Variants in CLEC4M observed in about 807,000 individuals in gnomAD.
The protein encoded by CLEC4M is C-type lectin domain family 4 member M, also known as CD209 antigen-like protein 1.
A neutral mutation model predicts 39.1 loss-of-function variants in CLEC4M; 25 were observed. The observed-to-expected ratio is 0.64, with a 90% CI of 0.47 to 0.89. CLEC4M has a LOEUF of 0.89. Among genes scored for constraint, CLEC4M ranks in the 40% least tolerant of loss-of-function variants. The pLI, the probability that CLEC4M is intolerant of heterozygous loss-of-function variation, is 0.00. For synonymous variants in CLEC4M, 155 were observed against 177.4 expected, an observed-to-expected ratio of 0.87 and a Z score of 1.00; for missense variants, 353 against 431.4, an observed-to-expected ratio of 0.82 and a Z score of 1.61.
Position 7,765,779 on chromosome 19 carries a change from T to G in CLEC4M, c.356T>G (p.Leu119Arg). Reference protein sequence around the residue: ...LQEIYQELTQLKAAVGELPEK... With the variant: ...LQEIYQELTQRKAAVGELPEK... ...GAGATCTACCAGGAGCTGACCCAGC[T>G]GAAGGCTGCAGTGGGTGAGTTGCCA... Residue 119 changes from leucine (L) to arginine (R), a missense_variant, in exon 4 of 7, where the codon CTG becomes CGG. Physicochemically the swap from Leu to Arg is moderately radical, Grantham distance 102. Transcript: ENST00000327325. The G allele has an allele frequency of 6.2e-7, 1 of 1,613,500 alleles. No homozygotes were observed. Among genetic ancestry groups the G allele is most frequent in the Non-Finnish European group, 8.5e-7 (1 of 1,179,680 alleles).
At chr19:7,766,228 G>T (rs376177207) in intron 4 of CLEC4M, 21 bp downstream of exon 4, 94 of 1,613,188 alleles carry the variant, frequency 5.8e-5, no homozygotes, top group African/African-American at 3.2e-4. Flanking sequence ...GCACATCAAG[G>T]GTCCTTGGGC....
chr19:7,767,507 A>C lies in CLEC4M; in HGVS notation c.937-9A>C, dbSNP rs2034329288. ...AGAGCTCCCTCCTGACTCCTCCTCTACCCTCCAGAACTTCCTACAGCTGCA... is the reference window on the plus strand; with the variant it reads ...AGAGCTCCCTCCTGACTCCTCCTCTCCCCTCCAGAACTTCCTACAGCTGCA... On this transcript the variant is annotated splice_polypyrimidine_tract_variant and intron_variant, in intron 5 of 6. Transcript: ENST00000327325. 1 of 1,609,060 alleles carries C rather than the reference A, an allele frequency of 6.2e-7. No individual in the cohort carries two copies. Among genetic ancestry groups the C allele is most frequent in the African/African-American group, 1.3e-5 (1 of 74,804 alleles).
Position 7,765,288 on chromosome 19 carries a change from G to A in CLEC4M, c.214+20G>A, listed in dbSNP as rs2146350661. On this transcript the variant is annotated intron_variant, in intron 3 of 6. Transcript: ENST00000327325. ...TCCAAGGTCAGGGGCAGGTTCTGAG[G>A]GTCTGGGGTCCCCAGGCCTGGCCTT... 6.2e-7 allele frequency: 1 copy of A among 1,613,754 alleles called. No homozygotes were observed. Among genetic ancestry groups the A allele is most frequent in the East Asian group, 2.2e-5 (1 of 44,878 alleles).
At chr19:7,766,236 G>C (rs762260629) in intron 4 of CLEC4M, 29 bp downstream of exon 4, 7 of 1,612,438 alleles carry the variant, frequency 4.3e-6, no homozygotes, top group Non-Finnish European at 5.9e-6. Flanking sequence ...AGGGTCCTTG[G>C]GCCTGAGATG....
intron 5 of CLEC4M, 123 bp downstream of exon 5, chr19:7,766,930 A>T (rs1371950423): frequency 6.6e-7 from 1 of 1,522,184 alleles, no homozygotes; most frequent in Non-Finnish European, 8.8e-7. Context: ...TGGGAAGAGA[A>T]GGATATGAAT....
At chr19:7,764,039 A>C (rs1487056957) in intron 2 of CLEC4M, among the ~76,000 whole-genome samples, 5 of 151,888 alleles carry the variant, frequency 3.3e-5, no homozygotes, top group Non-Finnish European at 7.4e-5. Flanking sequence ...GGAGGCTGGG[A>C]CCTGGATGCC....
intron 4 of CLEC4M, 161 bp downstream of exon 4, chr19:7,766,368 G>T: frequency 6.8e-7 from 1 of 1,477,364 alleles, no homozygotes; most frequent in Non-Finnish European, 8.9e-7. Flanking sequence ...AGTGGGCCAG[G>T]CACACAGTAG....
At chr19:7,766,404 C>T in intron 4 of CLEC4M, 197 bp downstream of exon 4, 1 of 1,457,568 alleles carries the variant, frequency 6.9e-7, no homozygotes, top group Middle Eastern at 2.5e-4. Flanking sequence ...AATCCGCTGC[C>T]TTCTGTTCTG....
In CLEC4M at chr19:7,765,769, C is replaced by T; in HGVS notation, c.346C>T (p.Leu116=). The change falls in exon 4 of 7, where the codon CTG becomes TTG. Residue 116 remains leucine (L), a synonymous_variant. Transcript: ENST00000327325. ...KSKLQEIYQE[L]TQLKAAVGEL... ...CAAGCTGCAGGAGATCTACCAGGAGCTGACCCAGCTGAAGGCTGCAGTGGG... is the reference window on the plus strand; with the variant it reads ...CAAGCTGCAGGAGATCTACCAGGAGTTGACCCAGCTGAAGGCTGCAGTGGG... 1.2e-6 allele frequency: 2 copies of T among 1,613,742 alleles called. No homozygotes were observed. The highest frequency in any genetic ancestry group is 2.2e-5 in the East Asian group (1 of 44,888).
chr19:7,767,807 C>G, intron 6 of CLEC4M, 179 bp downstream of exon 6: 2 of 572,908 alleles, frequency 3.5e-6, no homozygotes, highest in Non-Finnish European at 6.2e-6. Context: ...TGAAAGGTGC[C>G]AAGAATTCCA....
intron 2 of CLEC4M, among the ~76,000 whole-genome samples, chr19:7,764,342 T>C (rs2034150611): frequency 6.6e-6 from 1 of 152,180 alleles, no homozygotes. Context: ...CTTGAGTTTA[T>C]CTGCCTAGTG....
chr19:7,766,527 ATT>A, intron 4 of CLEC4M, 127 bp from the exon 5 acceptor site: 1 of 1,537,170 alleles, frequency 6.5e-7, no homozygotes, highest in Non-Finnish European at 8.7e-7. Flanking sequence ...GTCTCTCCCC[ATT>A]CCAAGCGGTC....
chr19:7,763,619 G>C (rs182699937), intron 2 of CLEC4M, 143 bp downstream of exon 2: 1 of 655,292 alleles, frequency 1.5e-6, no homozygotes, highest in Non-Finnish European at 2.6e-6. Flanking sequence ...TGAAGAGGAC[G>C]GGGTAGGGAT....
At position 7,767,561 on chromosome 19, in the gene CLEC4M, A is replaced by G; in HGVS notation, c.982A>G (p.Met328Val). ...TTCCAGGAGTAACCGCTTCTCCTGG[A>G]TGGGACTTTCAGACCTAAATCAGGA... ...QTSRSNRFSW[M>V]GLSDLNQEGT... Residue 328 changes from methionine (M) to valine (V), a missense_variant, in exon 6 of 7, where the codon ATG becomes GTG. By Grantham distance (21) the Met-to-Val change is conservative (BLOSUM62 1). Transcript: ENST00000327325. 6.2e-7 allele frequency: 1 copy of G among 1,614,202 alleles called. No homozygotes were observed. Among genetic ancestry groups the G allele is most frequent in the Non-Finnish European group, 8.5e-7 (1 of 1,180,016 alleles).
At chr19:7,764,209 A>G (rs979555038) in intron 2 of CLEC4M, among the ~76,000 whole-genome samples, 11 of 151,780 alleles carry the variant, frequency 7.2e-5, no homozygotes, top group African/African-American at 2.4e-4. Context: ...TAAGCATTTC[A>G]TGGGGTAGGG....
intron 6 of CLEC4M, chr19:7,768,238 G>A (rs1438871089): frequency 1.3e-5 from 2 of 155,338 alleles, no homozygotes; most frequent in African/African-American, 2.4e-5. Flanking sequence ...AATAAGGCAG[G>A]TGGTTGGCAG....
At position 7,769,254 on chromosome 19, in the gene CLEC4M, G is replaced by A. The variant is rs2034418635; in HGVS notation, c.*266G>A. The A allele has an allele frequency of 5.5e-6, 2 of 360,956 alleles. No individual in the cohort carries two copies. Among genetic ancestry groups the A allele is most frequent in the Non-Finnish European group, 1.0e-5 (2 of 190,820 alleles). 22.4% of individuals were successfully genotyped at this position (360,956 alleles called of 1,614,324 possible). ...TGCATTTAGGGGGCGGGCTTGGTAT[G>A]TTGTATGAATCCACTCTCTGTTCCT... On this transcript the variant is annotated 3_prime_UTR_variant, in exon 7 of 7. Transcript: ENST00000327325.
rs766807306 is a variant in CLEC4M, at chr19:7,768,805, G to A, written c.1050-33G>A. The A allele has an allele frequency of 2.1e-5, 34 of 1,609,120 alleles. No individual in the cohort carries two copies. The Admixed American group carries it at 5.3e-4, about 25-fold the overall frequency. ...GGAGTGTGGCTCATCTACTGGGCAG[G>A]GCAGAGGCTCACATTCTGCATGGGC... On this transcript the variant is annotated intron_variant, in intron 6 of 6. Transcript: ENST00000327325.
In CLEC4M at chr19:7,763,308, C is replaced by G. The variant is rs1203348755; in HGVS notation, c.42C>G (p.Leu14=). Residue 14 remains leucine (L), a synonymous_variant, in exon 1 of 7, where the codon CTC becomes CTG. Transcript: ENST00000327325. ...AACCAAGGGTGCAGCAGCTGGGCCTCCTGGGTAAGGCTGGGTTGGAACTCT... is the reference window on the plus strand; with the variant it reads ...AACCAAGGGTGCAGCAGCTGGGCCTGCTGGGTAAGGCTGGGTTGGAACTCT... The part of the protein sequence containing the change: ...SKEPRVQQLG[L]LEEDPTTSGI... 6 of 1,609,992 alleles carry G rather than the reference C, an allele frequency of 3.7e-6. No individual in the cohort carries two copies. Among genetic ancestry groups the G allele is most frequent in the Non-Finnish European group, 5.1e-6 (6 of 1,178,020 alleles).
Sources: gnomAD v4.1 joint callset for allele counts (sites outside exome capture counted in the v4.1 genomes callset) on GRCh38, gnomAD v4.1.1 for gene constraint, MANE v1.5 for transcripts, NCBI Gene and HGNC (gene_info 2026-07-23, HGNC 2026-07-21) for gene names.